The following RAD51B variants were observed in gnomAD, a reference collection of about 807,000 sequenced individuals.
RAD51B encodes the protein DNA repair protein RAD51 homolog 2.
RAD51B carries 38 observed loss-of-function variants against 42.2 expected under a neutral mutation model. That is an observed-to-expected ratio of 0.90 (90% CI 0.70 to 1.18). The LOEUF is 1.18. Among genes scored for constraint, RAD51B ranks in the 50% most tolerant of loss-of-function variants. The probability of loss-of-function intolerance (pLI) is 0.00; values close to 1 mark genes in which losing one functional copy is unlikely to be tolerated. For missense variants in RAD51B, 373 were observed against 400.7 expected, an observed-to-expected ratio of 0.93 and a Z score of 0.59; for synonymous variants, 154 against 145.2, an observed-to-expected ratio of 1.06 and a Z score of -0.43.
chr14:68,282,382 G>T (rs730893), intron 7 of RAD51B, among the ~76,000 whole-genome samples: 86 of 152,318 alleles, frequency 5.6e-4, no homozygotes, highest in Middle Eastern at 3.4e-3. Context: ...CACCGTGGGA[G>T]GAAGCCTGCC....
chr14:68,682,910 CTTTTTTTTTT>C, intron 11 of RAD51B: 24 of 698,182 alleles, frequency 3.4e-5, no homozygotes, highest in Non-Finnish European at 3.1e-5. Context: ...TAGCTTATGG[CTTTTTTTTTT>C]TTTTTTTTTT....
chr14:68,526,649 A>G (rs1417961624), intron 10 of RAD51B, among the ~76,000 whole-genome samples: 1 of 152,292 alleles, frequency 6.6e-6, no homozygotes, highest in Middle Eastern at 3.4e-3. Context: ...AGGGCATCTT[A>G]TTGCTGACTC....
chr14:67,956,493 G>GAAATA (rs753227189), intron 7 of RAD51B, among the ~76,000 whole-genome samples: 53 of 152,082 alleles, frequency 3.5e-4, no homozygotes, highest in Non-Finnish European at 5.7e-4. Flanking sequence ...AAAATGAAAT[G>GAAATA]AAATGAAATA....
At chr14:68,221,447 A>G (rs1212093691) in intron 7 of RAD51B, among the ~76,000 whole-genome samples, 3 of 152,224 alleles carry the variant, frequency 2.0e-5, no homozygotes, top group Admixed American at 2.0e-4. Flanking sequence ...GGAAAAGGAC[A>G]CCCTATTCAA....
At chr14:68,301,919 G>A (rs892293889) in intron 8 of RAD51B, among the ~76,000 whole-genome samples, 4 of 152,132 alleles carry the variant, frequency 2.6e-5, no homozygotes, top group Non-Finnish European at 5.9e-5. Flanking sequence ...CTTGTGGGCA[G>A]GAATTTTTGT....
intron 7 of RAD51B, among the ~76,000 whole-genome samples, chr14:67,895,435 G>C (rs2043381418): frequency 6.6e-6 from 1 of 152,062 alleles, no homozygotes; most frequent in Non-Finnish European, 1.5e-5. Context: ...TATCTTAATG[G>C]GTCTGCTTCT....
chr14:68,109,702 G>T lies in RAD51B; in HGVS notation c.757-182182G>T, dbSNP rs540258534. 2.6e-5 allele frequency among the ~76,000 whole-genome samples: 4 copies of T among 152,080 alleles called. No homozygotes were observed. The South Asian group carries it at 8.3e-4, about 32-fold the overall frequency. On this transcript the variant is annotated intron_variant, in intron 7 of 10. Coordinates refer to ENST00000471583, the MANE Select transcript of RAD51B (RefSeq NM_133510.4). Reference sequence around the variant, plus strand: ...AGCCATGGTTCTGAATGTGGTGATTGGCCCAGGCATTCTTGCTAGTGATGG... The same window carrying T: ...AGCCATGGTTCTGAATGTGGTGATTTGCCCAGGCATTCTTGCTAGTGATGG...
At chr14:68,104,630 G>A (rs1052355375) in intron 7 of RAD51B, among the ~76,000 whole-genome samples, 1 of 152,086 alleles carries the variant, frequency 6.6e-6, no homozygotes, top group African/African-American at 2.4e-5. Context: ...TGAACACAGT[G>A]GCTTTGGAAT....
At chr14:68,329,332 C>G (rs1040356658) in intron 8 of RAD51B, among the ~76,000 whole-genome samples, 1 of 152,164 alleles carries the variant, frequency 6.6e-6, no homozygotes, top group Non-Finnish European at 1.5e-5. Flanking sequence ...TGAATGTGCA[C>G]TCTGTCACTT....
chr14:68,383,786 T>C (rs1242128491), intron 8 of RAD51B, among the ~76,000 whole-genome samples: 1 of 152,174 alleles, frequency 6.6e-6, no homozygotes, highest in African/African-American at 2.4e-5. Flanking sequence ...AGAATCAGGG[T>C]GGAATACAAA....
chr14:67,938,557 A>T (rs950598764), intron 7 of RAD51B, among the ~76,000 whole-genome samples: 1 of 152,224 alleles, frequency 6.6e-6, no homozygotes, highest in African/African-American at 2.4e-5. Flanking sequence ...ATTGTGTTCC[A>T]TACATAATAT....
chr14:67,894,999 T>A (rs990063522), intron 7 of RAD51B, among the ~76,000 whole-genome samples: 1 of 152,102 alleles, frequency 6.6e-6, no homozygotes, highest in Admixed American at 6.5e-5. Context: ...GGTCTTGAAC[T>A]CCTGGGCTGA....
Position 68,656,178 on chromosome 14 carries a change from T to C in RAD51B, c.*11+5322T>C, listed in dbSNP as rs200830917. On this transcript the variant is annotated intron_variant, in intron 11 of 11. Transcript: ENST00000488612. ...TGGGCAAAACCAGATTTGAGCACTG[T>C]CAGTGACTTTGAAAAGCCTGGACCC... 6.6e-5 allele frequency among the ~76,000 whole-genome samples: 10 copies of C among 152,244 alleles called. No individual in the cohort carries two copies. The East Asian group carries it at 1.9e-3, about 29-fold the overall frequency.
At chr14:67,975,133 G>A (rs918942231) in intron 7 of RAD51B, among the ~76,000 whole-genome samples, 1 of 152,070 alleles carries the variant, frequency 6.6e-6, no homozygotes, top group Non-Finnish European at 1.5e-5. Flanking sequence ...TAGTAATATC[G>A]TATCTGTCTT....
chr14:68,139,780 A>C (rs564926832), intron 7 of RAD51B, among the ~76,000 whole-genome samples: 2 of 152,360 alleles, frequency 1.3e-5, no homozygotes, highest in South Asian at 4.1e-4. Flanking sequence ...TACAATTGGC[A>C]CTGGCCCTGA....
chr14:68,378,383 T>G (rs1594752095), intron 8 of RAD51B, among the ~76,000 whole-genome samples: 1 of 152,368 alleles, frequency 6.6e-6, no homozygotes, highest in East Asian at 1.9e-4. Flanking sequence ...ACCTGGTTAA[T>G]TGAGACCACC....
chr14:68,150,517 A>G (rs2078355880), intron 7 of RAD51B, among the ~76,000 whole-genome samples: 1 of 152,182 alleles, frequency 6.6e-6, no homozygotes, highest in Non-Finnish European at 1.5e-5. Context: ...TTTCTTACAT[A>G]GGTCTTGTAC....
intron 7 of RAD51B, among the ~76,000 whole-genome samples, chr14:68,184,625 C>CAAAAAAAA (rs3073458): frequency 9.8e-5 from 13 of 132,382 alleles, no homozygotes; most frequent in African/African-American, 2.0e-4. Flanking sequence ...AAAAAAAAAC[C>CAAAAAAAA]AAAAAAAAAA....
chr14:67,872,921 C>T (rs2042591898), intron 5 of RAD51B, among the ~76,000 whole-genome samples: 1 of 152,126 alleles, frequency 6.6e-6, no homozygotes, highest in Non-Finnish European at 1.5e-5. Flanking sequence ...TTCCTTACAC[C>T]TTATACAAAA....
Sources: allele counts gnomAD v4.1 joint callset (sites outside exome capture counted in the v4.1 genomes callset), GRCh38; gene constraint gnomAD v4.1.1; transcripts MANE v1.5; gene names NCBI Gene and HGNC (gene_info 2026-07-23, HGNC 2026-07-21).